GDNF: variants seen among roughly 807,000 people sequenced by gnomAD.
GDNF encodes glial cell line-derived neurotrophic factor.
In GDNF, 5 loss-of-function variants were observed where a neutral mutation model predicts 13.7. The observed-to-expected ratio is 0.36, with a 90% CI of 0.19 to 0.77. The LOEUF (loss-of-function observed/expected upper bound fraction) is 0.77. Ranked by LOEUF, GDNF falls within the 30% of genes least tolerant of loss-of-function variation. The pLI is 0.51. For synonymous variants in GDNF, 122 were observed against 112.5 expected (o/e 1.08, Z -0.53); for missense variants, 246 against 274.3 (o/e 0.90, Z 0.73).
At chr5:37,829,830 G>A (rs1401061029) in intron 2 of GDNF, among the ~76,000 whole-genome samples, 2 of 152,178 alleles carry the variant, frequency 1.3e-5, no homozygotes, top group African/African-American at 2.4e-5. Flanking sequence ...AGTTTGAAAT[G>A]GTTTTCCAGA....
intron 2 of GDNF, among the ~76,000 whole-genome samples, chr5:37,821,964 T>C (rs1050698224): frequency 4.6e-5 from 7 of 152,198 alleles, no homozygotes; most frequent in Non-Finnish European, 7.3e-5. Flanking sequence ...GTTAACTATA[T>C]TTTAATCAAA....
intron 1 of GDNF, among the ~76,000 whole-genome samples, chr5:37,836,416 T>C (rs1750707448): frequency 6.6e-6 from 1 of 152,146 alleles, no homozygotes; most frequent in Non-Finnish European, 1.5e-5. Context: ...TAATGCATTT[T>C]ACATCTCCTG....
intron 2 of GDNF, among the ~76,000 whole-genome samples, chr5:37,829,249 T>A (rs1750434833): frequency 6.6e-6 from 1 of 152,208 alleles, no homozygotes; most frequent in Non-Finnish European, 1.5e-5. Context: ...CTCCCTAGTA[T>A]GTCCCCCTTT....
intron 2 of GDNF, among the ~76,000 whole-genome samples, chr5:37,827,443 T>TA (rs1750366594): frequency 6.6e-6 from 1 of 152,162 alleles, no homozygotes; most frequent in Non-Finnish European, 1.5e-5. Context: ...GGCAAAATGC[T>TA]AAAAAAGAGG....
chr5:37,836,732 G>T, intron 1 of GDNF, among the ~76,000 whole-genome samples: 1 of 152,230 alleles, frequency 6.6e-6, no homozygotes, highest in South Asian at 2.1e-4. Context: ...GGAGCATGGA[G>T]GCGCGGGGTT....
At chr5:37,824,273 A>G (rs1750231848) in intron 2 of GDNF, 1 of 152,358 alleles carries the variant, frequency 6.6e-6, no homozygotes, top group South Asian at 2.1e-4. Flanking sequence ...CCATCACCCA[A>G]AAGTCAAACA....
chr5:37,834,595 G>A (rs760537293), intron 2 of GDNF, 51 bp downstream of exon 2: 3 of 1,393,408 alleles, frequency 2.2e-6, no homozygotes, highest in Non-Finnish European at 1.9e-6. Context: ...GCGGGTGGGG[G>A]TGCGAGGGGG....
At chr5:37,820,691 A>C (rs1727787310) in intron 2 of GDNF, among the ~76,000 whole-genome samples, 1 of 152,166 alleles carries the variant, frequency 6.6e-6, no homozygotes, top group South Asian at 2.1e-4. Context: ...GGTAGGGAGT[A>C]TATGGGAACT....
chr5:37,835,877 G>A, intron 1 of GDNF: 1 of 589,850 alleles, frequency 1.7e-6, no homozygotes, highest in Non-Finnish European at 3.0e-6. Context: ...GCAGAGTAGG[G>A]GGTTCAGCTC....
Position 37,815,356 on chromosome 5 carries a change from C to G in GDNF, c.*295G>C, listed in dbSNP as rs1380890992. Reference sequence around the variant, plus strand: ...AGCTGAAATGGTGGCAATAGCCAACCAGGAACATCAGCCCTGAGCTTCTAG... The same window carrying G: ...AGCTGAAATGGTGGCAATAGCCAACGAGGAACATCAGCCCTGAGCTTCTAG... On this transcript the variant is annotated 3_prime_UTR_variant, in exon 3 of 3. Transcript: ENST00000326524. The surrounding 1 kb of genome is among the most constrained non-coding windows in gnomAD (Gnocchi z 5.0). 1.9e-5 allele frequency: 9 copies of G among 478,294 alleles called. No individual in the cohort carries two copies. The highest frequency in any genetic ancestry group is 3.4e-5 in the Non-Finnish European group (9 of 261,800). 29.6% of individuals were successfully genotyped at this position (478,294 alleles called of 1,614,324 possible). A position where few individuals can be genotyped will look rare whatever the true frequency, so the allele number is the denominator to read the frequency against.
intron 2 of GDNF, among the ~76,000 whole-genome samples, chr5:37,817,830 C>T (rs1749986971): frequency 6.6e-6 from 1 of 152,166 alleles, no homozygotes; most frequent in Admixed American, 6.5e-5. Flanking sequence ...TCATTCTACC[C>T]TTACCCACCT....
chr5:37,836,442 G>A (rs1234144358), intron 1 of GDNF, among the ~76,000 whole-genome samples: 1 of 152,142 alleles, frequency 6.6e-6, no homozygotes, highest in Non-Finnish European at 1.5e-5. Context: ...CTGTTTGTTC[G>A]CTATGCAGCT....
rs555621572 is a variant in GDNF at position 37,836,492 on chromosome 5, G to C, written c.-26-1670C>G. Among the ~76,000 whole-genome samples the C allele has an allele frequency of 7.2e-5, 11 of 152,316 alleles. 1 individual carries two copies. In the South Asian group the frequency reaches 2.3e-3, roughly 32 times the overall value. On this transcript the variant is annotated intron_variant, in intron 1 of 2. Coordinates refer to ENST00000326524, the MANE Select transcript of GDNF (RefSeq NM_000514.4). ...GGTGTAGGGACTAGAAACTCCTAGT[G>C]ACCTGCAGCACCGAGCGCCTCTTGC...
intron 2 of GDNF, among the ~76,000 whole-genome samples, chr5:37,831,132 C>T (rs1419161745): frequency 6.6e-6 from 1 of 152,176 alleles, no homozygotes; most frequent in African/African-American, 2.4e-5. Flanking sequence ...TTATATTATA[C>T]TAAATTAGGA....
intron 2 of GDNF, among the ~76,000 whole-genome samples, chr5:37,832,109 A>C (rs2973039): frequency 6.6e-6 from 1 of 152,252 alleles, no homozygotes; most frequent in African/African-American, 2.4e-5. Flanking sequence ...GTGAGTGTGC[A>C]AACTGTGTAT....
intron 2 of GDNF, among the ~76,000 whole-genome samples, chr5:37,821,738 A>G (rs1014464447): frequency 6.6e-6 from 1 of 152,144 alleles, no homozygotes; most frequent in Non-Finnish European, 1.5e-5. Flanking sequence ...ATTATGGGGA[A>G]AAAAAATAGT....
intron 2 of GDNF, among the ~76,000 whole-genome samples, chr5:37,827,809 T>G (rs912417841): frequency 5.9e-5 from 9 of 152,336 alleles, no homozygotes; most frequent in Middle Eastern, 6.8e-3. Context: ...TGCAAAGTTT[T>G]GCCAAAAGAA....
At chr5:37,817,103 G>A (rs981038499) in intron 2 of GDNF, among the ~76,000 whole-genome samples, 2 of 152,202 alleles carry the variant, frequency 1.3e-5, no homozygotes, top group Admixed American at 6.5e-5. Context: ...CTGTCTGGCT[G>A]CAAGCAGGAC....
At chr5:37,820,640 G>A (rs529987303) in intron 2 of GDNF, among the ~76,000 whole-genome samples, 2 of 152,314 alleles carry the variant, frequency 1.3e-5, no homozygotes, top group South Asian at 4.1e-4. Flanking sequence ...TAGCATTCTG[G>A]TGGGGGATGT....
Sources: allele counts gnomAD v4.1 joint callset (sites outside exome capture counted in the v4.1 genomes callset), GRCh38; gene constraint gnomAD v4.1.1; non-coding constraint Gnocchi (gnomAD v3.1); transcripts MANE v1.5; gene names NCBI Gene and HGNC (gene_info 2026-07-23, HGNC 2026-07-21).